Variants in ZNF791 observed in about 807,000 individuals in gnomAD.
ZNF791 encodes zinc finger protein 791.
A neutral mutation model predicts 11.5 loss-of-function variants in ZNF791; 4 were observed. The ratio of observed to expected loss-of-function variants is 0.35; its 90% CI spans 0.17 to 0.80. The LOEUF is 0.80. ZNF791 is among the 30% of genes least tolerant of loss of function. ZNF791 has a pLI of 0.53. For missense variants in ZNF791, 559 were observed against 699.4 expected (o/e 0.80, Z 2.26); for synonymous variants, 212 against 228.1 (o/e 0.93, Z 0.64).
chr19:12,622,875 C>T (rs911445890), intron 1 of ZNF791, among the ~76,000 whole-genome samples: 2 of 129,194 alleles, frequency 1.5e-5, no homozygotes, highest in Non-Finnish European at 3.2e-5. Context: ...GCCTGGGTTA[C>T]AGAGTGAGAC....
Position 12,628,076 on chromosome 19 carries a change from A to G in ZNF791, c.547A>G (p.Ile183Val). ...QPFQRHERTHIGEKPYECKQC... is the reference protein window; with the variant it reads ...QPFQRHERTHVGEKPYECKQC... ...CTTTCAAAGACATGAGCGGACTCAC[A>G]TTGGAGAAAAACCCTATGAATGTAA... The change falls in exon 4 of 4, where the codon ATT becomes GTT. Residue 183 changes from isoleucine to valine, a missense_variant. Physicochemically the swap from Ile to Val is conservative, Grantham distance 29. Coordinates refer to ENST00000343325, the MANE Select transcript of ZNF791 (RefSeq NM_153358.3). The G allele has an allele frequency of 1.9e-6, 3 of 1,613,944 alleles. No homozygotes were observed. Among genetic ancestry groups the G allele is most frequent in the Admixed American group, 1.7e-5 (1 of 59,952 alleles).
In ZNF791 at chr19:12,627,749, G is replaced by A. The variant is rs1019954226; in HGVS notation, c.220G>A (p.Gly74Ser). 6.2e-7 allele frequency: 1 copy of A among 1,613,626 alleles called. No homozygotes were observed. The highest frequency in any genetic ancestry group is 8.5e-7 in the Non-Finnish European group (1 of 1,179,568). ...CCATACGGGAGAGAGACTCTGTGAA[G>A]GTAAAGAAGGTAGTCAATGTGCAGA... The part of the protein sequence containing the change: ...RSHTGERLCE[G>S]KEGSQCAENF... The change falls in exon 4 of 4, where the codon GGT (glycine) becomes AGT (serine). Residue 74 changes from glycine (G) to serine (S), a missense_variant. Gly to Ser is a moderately conservative substitution (Grantham distance 56). Coordinates refer to ENST00000343325, the MANE Select transcript of ZNF791 (RefSeq NM_153358.3).
chr19:12,616,620 G>A (rs2023247829), intron 1 of ZNF791, among the ~76,000 whole-genome samples: 1 of 152,090 alleles, frequency 6.6e-6, no homozygotes, highest in Non-Finnish European at 1.5e-5. Flanking sequence ...TTGAGCCTAG[G>A]AGGCAGAGGT....
At chr19:12,612,365 A>T (rs1298020366) in intron 1 of ZNF791, 1 of 152,126 alleles carries the variant, frequency 6.6e-6, no homozygotes, top group African/African-American at 2.4e-5. Flanking sequence ...TGAAAGCAAT[A>T]GTGGGTTTTC....
rs768590101 is a variant in ZNF791 at position 12,632,891 on chromosome 19, T to G, written c.*3631T>G. 1 of 152,028 alleles carries G rather than the reference T, an allele frequency of 6.6e-6. No homozygotes were observed. Among genetic ancestry groups the G allele is most frequent in the Non-Finnish European group, 1.5e-5 (1 of 68,024 alleles). 9.4% of individuals were successfully genotyped at this position (152,028 alleles called of 1,614,324 possible). Reference sequence around the variant, plus strand: ...TGGGCGGATCACGAAGTCAGGAGATTGAGACCATCCTGGCTAATACAGTGA... The same window carrying G: ...TGGGCGGATCACGAAGTCAGGAGATGGAGACCATCCTGGCTAATACAGTGA... On this transcript the variant is annotated 3_prime_UTR_variant, in exon 4 of 4. Transcript: ENST00000343325.
In ZNF791 at chr19:12,626,648, A is replaced by G. The variant is rs1480248229; in HGVS notation, c.192-1073A>G. ...GAGACGAAGTCTTGCTCTGTCACCCAGGCTGGAGTGCAGTGGTGCCATCTC... is the reference window on the plus strand; with the variant it reads ...GAGACGAAGTCTTGCTCTGTCACCCGGGCTGGAGTGCAGTGGTGCCATCTC... On this transcript the variant is annotated intron_variant, in intron 3 of 3. Transcript: ENST00000343325. Among the ~76,000 whole-genome samples the G allele has an allele frequency of 3.9e-5, 6 of 152,000 alleles. No homozygotes were observed. In the East Asian group the frequency reaches 1.2e-3, roughly 30 times the overall value.
Position 12,610,957 on chromosome 19 carries a change from T to C in ZNF791, c.-123T>C, listed in dbSNP as rs973426422. ...CGTCACTGTGCGATCGGGTTGTGCT[T>C]AGCTTGGGGTCTCCTGGCCCCTTGA... On this transcript the variant is annotated 5_prime_UTR_variant, in exon 1 of 4. Transcript: ENST00000343325. The C allele has an allele frequency of 5.2e-5, 70 of 1,348,750 alleles. No individual in the cohort carries two copies. Among genetic ancestry groups the C allele is most frequent in the Non-Finnish European group, 7.2e-5 (68 of 945,168 alleles). 83.5% of individuals were successfully genotyped at this position (1,348,750 alleles called of 1,614,324 possible). A position where few individuals can be genotyped will look rare whatever the true frequency, so the allele number is the denominator to read the frequency against.
Position 12,613,780 on chromosome 19 carries a change from C to A in ZNF791, c.3+2698C>A, listed in dbSNP as rs554305283. Among the ~76,000 whole-genome samples, 13 of 152,156 alleles carry A rather than the reference C, an allele frequency of 8.5e-5. No individual in the cohort carries two copies. The South Asian group carries it at 2.7e-3, about 32-fold the overall frequency. On this transcript the variant is annotated intron_variant, in intron 1 of 3. Transcript: ENST00000343325. Reference sequence around the variant, plus strand: ...TACAGGTCTGCCAGCTACTCATATGCCCACCATGGAAGGATCCTCTTGTAC... The same window carrying A: ...TACAGGTCTGCCAGCTACTCATATGACCACCATGGAAGGATCCTCTTGTAC...
At position 12,628,990 on chromosome 19, in the gene ZNF791, A is replaced by G. The variant is rs532987159; in HGVS notation, c.1461A>G (p.Lys487=). The change falls in exon 4 of 4, where the codon AAA becomes AAG. Residue 487 remains lysine (K), a synonymous_variant. Transcript: ENST00000343325. The part of the protein sequence containing the change: ...FSCSSYIRIH[K]RTHTGEKPYE... ...GTTCTAGTTACATTCGGATACATAA[A>G]AGAACTCACACTGGGGAGAAACCTT... 4 of 1,614,058 alleles carry G rather than the reference A, an allele frequency of 2.5e-6. No individual in the cohort carries two copies. In the African/African-American group the frequency reaches 5.3e-5, roughly 22 times the overall value.
At chr19:12,613,498 G>A (rs185601353) in intron 1 of ZNF791, among the ~76,000 whole-genome samples, 4 of 152,156 alleles carry the variant, frequency 2.6e-5, no homozygotes, top group African/African-American at 7.2e-5. Flanking sequence ...GGAGAATGGC[G>A]TGGACCTGGG....
At chr19:12,623,523 C>A in intron 1 of ZNF791, 177 bp from the exon 2 acceptor site, 1 of 717,568 alleles carries the variant, frequency 1.4e-6, no homozygotes, top group Non-Finnish European at 2.3e-6. Flanking sequence ...CTTACAGTGA[C>A]CACAGTGAAG....
intron 1 of ZNF791, chr19:12,612,110 G>A (rs576674456): frequency 2.6e-6 from 2 of 776,062 alleles, no homozygotes; most frequent in East Asian, 1.3e-4. Flanking sequence ...GGTATTCCAG[G>A]ACTTAAACTT....
chr19:12,621,398 G>A (rs761396470), intron 1 of ZNF791, among the ~76,000 whole-genome samples: 3 of 151,986 alleles, frequency 2.0e-5, no homozygotes, highest in Non-Finnish European at 4.4e-5. Flanking sequence ...CACGAAATGG[G>A]ACAGAAAGTA....
Position 12,628,646 on chromosome 19 carries a change from A to G in ZNF791, c.1117A>G (p.Ile373Val). ...CTTTAGTAGAATCAGTTACTTTCGA[A>G]TACATGAAAGGACTCACACTGGAGA... ...KAFSRISYFR[I>V]HERTHTGEKP... Residue 373 changes from isoleucine to valine, a missense_variant, in exon 4 of 4, where the codon ATA (isoleucine) becomes GTA (valine). Physicochemically the swap from Ile to Val is conservative, Grantham distance 29. Coordinates refer to ENST00000343325, the MANE Select transcript of ZNF791 (RefSeq NM_153358.3). 2 of 1,604,936 alleles carry G rather than the reference A, an allele frequency of 1.2e-6. No homozygotes were observed. Among genetic ancestry groups the G allele is most frequent in the Non-Finnish European group, 1.7e-6 (2 of 1,176,336 alleles).
intron 3 of ZNF791, among the ~76,000 whole-genome samples, chr19:12,626,305 A>G (rs1243950416): frequency 3.3e-5 from 5 of 150,074 alleles, no homozygotes; most frequent in Admixed American, 1.3e-4. Context: ...GTGAGCCACC[A>G]TGCCCAGCCA....
intron 1 of ZNF791, among the ~76,000 whole-genome samples, chr19:12,616,147 CAG>C (rs2023242632): frequency 6.6e-6 from 1 of 152,182 alleles, no homozygotes. Flanking sequence ...GATATCTCTT[CAG>C]TTTTATTTGC....
intron 1 of ZNF791, among the ~76,000 whole-genome samples, chr19:12,621,898 C>T (rs1449116462): frequency 1.7e-5 from 2 of 117,360 alleles, no homozygotes; most frequent in African/African-American, 3.3e-5. Context: ...ACAATGGCGG[C>T]TTTGTGGAAT....
chr19:12,629,604 C>T lies in ZNF791; in HGVS notation c.*344C>T, dbSNP rs573335217. 2.5e-4 allele frequency: 41 copies of T among 160,902 alleles called. No individual in the cohort carries two copies. Among genetic ancestry groups the T allele is most frequent in the Non-Finnish European group, 2.0e-4 (15 of 74,150 alleles). The allele number at this position is 160,902 out of a possible 1,614,324, so 10.0% of individuals were successfully genotyped here. Reference sequence around the variant, plus strand: ...TTGTATAAAAGTACAAGACAGCGGCCGGGGACGGTGGCTCACGCCTGTAAT... The same window carrying T: ...TTGTATAAAAGTACAAGACAGCGGCTGGGGACGGTGGCTCACGCCTGTAAT... On this transcript the variant is annotated 3_prime_UTR_variant, in exon 4 of 4. Transcript: ENST00000343325.
chr19:12,619,459 T>A (rs886175445), intron 1 of ZNF791, among the ~76,000 whole-genome samples: 6 of 144,898 alleles, frequency 4.1e-5, no homozygotes, highest in African/African-American at 1.5e-4. Context: ...TTTTTTTTTT[T>A]TTTTTTTTGA....
Sources: gnomAD v4.1 joint callset for allele counts (sites outside exome capture counted in the v4.1 genomes callset) on GRCh38, gnomAD v4.1.1 for gene constraint, MANE v1.5 for transcripts, NCBI Gene and HGNC (gene_info 2026-07-23, HGNC 2026-07-21) for gene names.